The following SGPP2 variants were observed in gnomAD, a reference collection of about 807,000 sequenced individuals.
SGPP2 encodes the protein sphingosine-1-phosphate phosphatase 2.
Under a neutral mutation model 33.9 loss-of-function variants are expected in SGPP2, and 30 were observed. The ratio of observed to expected loss-of-function variants is 0.89; its 90% CI spans 0.66 to 1.20. SGPP2 has a LOEUF of 1.20. Ranked by LOEUF, SGPP2 falls within the 50% of genes most tolerant of loss-of-function variation. The pLI is 0.00. For synonymous variants in SGPP2, 233 were observed against 225.0 expected (o/e 1.04, Z -0.32); for missense variants, 458 against 532.1 (o/e 0.86, Z 1.37).
chr2:222,531,561 A>G (rs565329530), intron 4 of SGPP2, among the ~76,000 whole-genome samples: 28 of 152,356 alleles, frequency 1.8e-4, no homozygotes, highest in African/African-American at 6.5e-4. Context: ...TATTGTGTAT[A>G]GAGTTTCAGT....
chr2:222,527,308 G>T (rs1698774099), intron 4 of SGPP2, among the ~76,000 whole-genome samples: 1 of 152,186 alleles, frequency 6.6e-6, no homozygotes, highest in African/African-American at 2.4e-5. Context: ...TGACTTGCTT[G>T]ATTGTGATAT....
intron 3 of SGPP2, 106 bp downstream of exon 3, chr2:222,522,052 GA>G: frequency 9.7e-7 from 1 of 1,029,956 alleles, no homozygotes; most frequent in South Asian, 2.3e-5. Context: ...TAAGGTTTAT[GA>G]AATAAAGATT....
chr2:222,550,105 C>G lies in SGPP2; in HGVS notation c.649-8242C>G, dbSNP rs550878268. Among the ~76,000 whole-genome samples, 1 of 152,014 alleles carries G rather than the reference C, an allele frequency of 6.6e-6. No homozygotes were observed. The highest frequency in any genetic ancestry group is 2.4e-5 in the African/African-American group (1 of 41,392). ...ATATTGGCCAGACTGGTCCTGAACT[C>G]GTGACCTCGTGATCCACCCGCCTCG... is the stretch of plus-strand genomic sequence containing the variant. On this transcript the variant is annotated intron_variant, in intron 4 of 4. Coordinates refer to ENST00000321276, the MANE Select transcript of SGPP2 (RefSeq NM_152386.4). This position sits in a 1 kb window ranked among gnomAD's most constrained non-coding sequence, Gnocchi z 4.5.
At chr2:222,434,178 G>A (rs1697200702) in intron 1 of SGPP2, among the ~76,000 whole-genome samples, 1 of 152,148 alleles carries the variant, frequency 6.6e-6, no homozygotes, top group South Asian at 2.1e-4. Flanking sequence ...GGCATCTGCA[G>A]GTCTTTATTA....
chr2:222,527,988 G>T (rs1698785763), intron 4 of SGPP2, among the ~76,000 whole-genome samples: 1 of 152,108 alleles, frequency 6.6e-6, no homozygotes, highest in Non-Finnish European at 1.5e-5. Flanking sequence ...GGAGACAGAT[G>T]TCTACACTGC....
chr2:222,467,939 A>G (rs1697771287), intron 1 of SGPP2, among the ~76,000 whole-genome samples: 1 of 130,718 alleles, frequency 7.7e-6, no homozygotes, highest in African/African-American at 2.8e-5. Context: ...GTATATTTAA[A>G]GCTCTAATCT....
At chr2:222,445,176 G>A (rs989704282) in intron 1 of SGPP2, among the ~76,000 whole-genome samples, 8 of 152,206 alleles carry the variant, frequency 5.3e-5, no homozygotes, top group African/African-American at 1.9e-4. Flanking sequence ...TGGCCTTGCT[G>A]AACTTGGTGG....
chr2:222,507,688 C>T (rs1441683980), intron 2 of SGPP2, among the ~76,000 whole-genome samples: 2 of 152,162 alleles, frequency 1.3e-5, no homozygotes, highest in African/African-American at 2.4e-5. Flanking sequence ...AAGCATGTCT[C>T]CTGCCCACTC....
chr2:222,425,644 AG>A (rs1456238689), intron 1 of SGPP2, among the ~76,000 whole-genome samples: 2 of 152,214 alleles, frequency 1.3e-5, no homozygotes, highest in Non-Finnish European at 2.9e-5. Flanking sequence ...GTCTACCGGG[AG>A]CACTGGCAGC....
rs771300336 is a variant in SGPP2, at chr2:222,558,742, A to G, written c.1044A>G (p.Gln348=). 2 of 1,614,164 alleles carry G rather than the reference A, an allele frequency of 1.2e-6. No homozygotes were observed. The highest frequency in any genetic ancestry group is 1.7e-5 in the Admixed American group (1 of 60,032). Residue 348 remains glutamine (Q), a synonymous_variant, in exon 5 of 5, where the codon CAA becomes CAG. Coordinates refer to ENST00000321276, the MANE Select transcript of SGPP2 (RefSeq NM_152386.4). Reference sequence around the variant, plus strand: ...AGCTTGTACAAAATCTCTCACTGCAAGTATTATACTCATGGTTCAAGGTGG... The same window carrying G: ...AGCTTGTACAAAATCTCTCACTGCAGGTATTATACTCATGGTTCAAGGTGG... ...VRQLVQNLSL[Q]VLYSWFKVVT...
chr2:222,516,838 A>G (rs1402603312), intron 2 of SGPP2, among the ~76,000 whole-genome samples: 1 of 152,238 alleles, frequency 6.6e-6, no homozygotes, highest in Non-Finnish European at 1.5e-5. Context: ...AGTAATTTAT[A>G]TTGGTCACTT....
intron 3 of SGPP2, among the ~76,000 whole-genome samples, chr2:222,523,370 C>T (rs1023722271): frequency 1.3e-5 from 2 of 152,170 alleles, no homozygotes; most frequent in Non-Finnish European, 2.9e-5. Flanking sequence ...ATGTCAGCTG[C>T]CCTAGAAGGA....
At position 222,498,741 on chromosome 2, in the gene SGPP2, A is replaced by G. The variant is rs908925435; in HGVS notation, c.379-23026A>G. Among the ~76,000 whole-genome samples the G allele has an allele frequency of 4.6e-5, 7 of 152,172 alleles. 1 individual carries two copies. The highest frequency in any genetic ancestry group is 1.7e-4 in the African/African-American group (7 of 41,440). ...CAGGGTATAAAGTTGTGTGAAGAAA[A>G]ACAGAAATAGGATATGAGGAGAGAG... On this transcript the variant is annotated intron_variant, in intron 2 of 4. Transcript: ENST00000321276.
intron 4 of SGPP2, among the ~76,000 whole-genome samples, chr2:222,536,800 G>A (rs1698922610): frequency 1.3e-5 from 2 of 152,172 alleles, no homozygotes; most frequent in Non-Finnish European, 2.9e-5. Flanking sequence ...GAAAATATTG[G>A]CATGTGCTTG....
chr2:222,529,333 A>G (rs941613215), intron 4 of SGPP2, among the ~76,000 whole-genome samples: 1 of 151,814 alleles, frequency 6.6e-6, no homozygotes, highest in Non-Finnish European at 1.5e-5. Context: ...TTGCTATTTT[A>G]TTTATTTTTT....
intron 2 of SGPP2, among the ~76,000 whole-genome samples, chr2:222,493,193 G>A (rs1289295997): frequency 6.6e-6 from 1 of 152,156 alleles, no homozygotes; most frequent in Non-Finnish European, 1.5e-5. Flanking sequence ...TACTATCCAA[G>A]ACTGGGTAAT....
At chr2:222,538,320 T>C (rs1698943631) in intron 4 of SGPP2, among the ~76,000 whole-genome samples, 1 of 152,124 alleles carries the variant, frequency 6.6e-6, no homozygotes, top group Admixed American at 6.5e-5. Context: ...AAAATTAAAT[T>C]GTACTCCTGC....
At chr2:222,452,661 C>T in intron 1 of SGPP2, 1 of 1,386,862 alleles carries the variant, frequency 7.2e-7, no homozygotes, top group South Asian at 1.2e-5. Context: ...GTAGTTGCTC[C>T]AGGACTGGAT....
rs1689563876 is a variant in SGPP2 at position 222,562,414 on chromosome 2, T to C, written c.*3516T>C. Among the ~76,000 whole-genome samples, 1 of 152,204 alleles carries C rather than the reference T, an allele frequency of 6.6e-6. No homozygotes were observed. Among genetic ancestry groups the C allele is most frequent in the Non-Finnish European group, 1.5e-5 (1 of 68,048 alleles). ...TGGAATTACTCCAAAACGTGCCCAG[T>C]GATCGCACTGTAACATGGGATTTTC... On this transcript the variant is annotated 3_prime_UTR_variant, in exon 5 of 5. Transcript: ENST00000321276.
Sources: gnomAD v4.1 joint callset for allele counts (sites outside exome capture counted in the v4.1 genomes callset) on GRCh38, gnomAD v4.1.1 for gene constraint, Gnocchi (gnomAD v3.1) non-coding constraint, MANE v1.5 for transcripts, NCBI Gene and HGNC (gene_info 2026-07-23, HGNC 2026-07-21) for gene names.